Variants in KCNG3 observed in about 807,000 individuals in gnomAD.
KCNG3 encodes the protein voltage-gated potassium channel regulatory subunit KCNG3.
A neutral mutation model predicts 29.0 loss-of-function variants in KCNG3; 15 were observed. That is an observed-to-expected ratio of 0.52 (90% CI 0.35 to 0.80). The LOEUF (loss-of-function observed/expected upper bound fraction) is 0.80. KCNG3 is among the 30% of genes least tolerant of loss of function. KCNG3 has a pLI of 0.01. For missense variants in KCNG3, 512 were observed against 605.7 expected, an observed-to-expected ratio of 0.85 and a Z score of 1.62; for synonymous variants, 322 against 248.9, an observed-to-expected ratio of 1.29 and a Z score of -2.76.
At chr2:42,400,173 G>C in the KCNG3 span, among the ~76,000 whole-genome samples, 1 of 152,062 alleles carries the variant, frequency 6.6e-6, no homozygotes, top group South Asian at 2.1e-4. Context: ...CTGTCCAATA[G>C]GTCCACTTCA....
At chr2:42,401,671 T>C in the KCNG3 span, among the ~76,000 whole-genome samples, 1 of 152,166 alleles carries the variant, frequency 6.6e-6, no homozygotes, top group Admixed American at 6.5e-5. Context: ...CTTGAAGTCC[T>C]GGGCTCAAAC....
At chr2:42,402,890 T>C in the KCNG3 span, among the ~76,000 whole-genome samples, 1 of 152,218 alleles carries the variant, frequency 6.6e-6, no homozygotes, top group African/African-American at 2.4e-5. Flanking sequence ...TATATGAATG[T>C]AAAAAATGTT....
At chr2:42,421,722 T>C in the KCNG3 span, among the ~76,000 whole-genome samples, 51 of 152,220 alleles carry the variant, frequency 3.4e-4, no homozygotes, top group African/African-American at 1.1e-3. Context: ...AATCTTAGAA[T>C]TGGGGAAAAA....
At chr2:42,451,792 T>A (rs1192286876) in intron 1 of KCNG3, among the ~76,000 whole-genome samples, 1 of 151,720 alleles carries the variant, frequency 6.6e-6, no homozygotes, top group Non-Finnish European at 1.5e-5. Context: ...CCTAGCTACT[T>A]GGGAAGCTGA....
intron 1 of KCNG3, among the ~76,000 whole-genome samples, chr2:42,482,184 A>C (rs1673603807): frequency 6.6e-6 from 1 of 152,226 alleles, no homozygotes; most frequent in Admixed American, 6.5e-5. Flanking sequence ...CAACACCTAA[A>C]ACAGTCCTAA....
At position 42,493,783 on chromosome 2, in the gene KCNG3, G is replaced by A. The variant is rs1375364712; in HGVS notation, c.-282C>T. 2 of 288,206 alleles carry A rather than the reference G, an allele frequency of 6.9e-6. No individual in the cohort carries two copies. Among genetic ancestry groups the A allele is most frequent in the East Asian group, 5.8e-5 (1 of 17,262 alleles). 17.9% of individuals were successfully genotyped at this position (288,206 alleles called of 1,614,324 possible). ...CCCCACCGGCTGGGAACGCGGCTGT[G>A]TCCGCGCCGCCGACCCTCGCGCCCG... On this transcript the variant is annotated 5_prime_UTR_variant, in exon 1 of 2. Coordinates refer to ENST00000306078, the MANE Select transcript of KCNG3 (RefSeq NM_133329.6).
Position 42,444,941 on chromosome 2 carries a change from C to T in KCNG3, c.666-362G>A, listed in dbSNP as rs958142995. On this transcript the variant is annotated intron_variant, in intron 1 of 1. Coordinates refer to ENST00000306078, the MANE Select transcript of KCNG3 (RefSeq NM_133329.6). This position sits in a 1 kb window ranked among gnomAD's most constrained non-coding sequence, Gnocchi z 5.8. ...ATCAGCTGGGCTTGGTGACACACAC[C>T]TGTAGTACCACCTACCTGGGAGGCT... Among the ~76,000 whole-genome samples, 2 of 151,800 alleles carry T rather than the reference C, an allele frequency of 1.3e-5. No individual in the cohort carries two copies. Among genetic ancestry groups the T allele is most frequent in the African/African-American group, 4.8e-5 (2 of 41,310 alleles).
Position 42,443,838 on chromosome 2 carries a change from A to G in KCNG3, c.*96T>C, listed in dbSNP as rs376816642. On this transcript the variant is annotated 3_prime_UTR_variant, in exon 2 of 2. Transcript: ENST00000306078. The stretch of plus-strand genomic sequence containing the variant: ...TTTTTACCCTACCAAGATGATGACA[A>G]TGCCACTGCAGTGCTCACCCAGCAA... 5.8e-5 allele frequency: 67 copies of G among 1,156,624 alleles called. No individual in the cohort carries two copies. In the African/African-American group the frequency reaches 8.8e-4, roughly 15 times the overall value. 71.6% of individuals were successfully genotyped at this position (1,156,624 alleles called of 1,614,324 possible).
In KCNG3 at chr2:42,470,973, G is replaced by A. The variant is rs187288437; in HGVS notation, c.665+21864C>T. Among the ~76,000 whole-genome samples the A allele has an allele frequency of 5.6e-4, 86 of 152,226 alleles. 1 individual carries two copies. The highest frequency in any genetic ancestry group is 4.1e-3 in the Admixed American group (63 of 15,276). On this transcript the variant is annotated intron_variant, in intron 1 of 1. Coordinates refer to ENST00000306078, the MANE Select transcript of KCNG3 (RefSeq NM_133329.6). ...TCGAGACCAGCCTGGGCAACACAGT[G>A]AGATCCTAACTCTACAAAAAATGTT... is the stretch of plus-strand genomic sequence containing the variant.
chr2:42,449,435 T>C (rs1344944299), intron 1 of KCNG3, among the ~76,000 whole-genome samples: 1 of 148,330 alleles, frequency 6.7e-6, no homozygotes, highest in East Asian at 2.0e-4. Flanking sequence ...ACAGAAACCA[T>C]ATAGCTCTGC....
chr2:42,417,213 G>A, the KCNG3 span, among the ~76,000 whole-genome samples: 14 of 152,062 alleles, frequency 9.2e-5, no homozygotes, highest in South Asian at 1.0e-3. Flanking sequence ...ACTGCTCTCC[G>A]GCCTGGGCAA....
chr2:42,445,888 G>C (rs1361762776), intron 1 of KCNG3, among the ~76,000 whole-genome samples: 1 of 151,910 alleles, frequency 6.6e-6, no homozygotes, highest in South Asian at 2.1e-4. Flanking sequence ...CACCATGCGT[G>C]ACTAATTTTT....
At chr2:42,439,442 T>C (rs1672429174), downstream of KCNG3, among the ~76,000 whole-genome samples, 2 of 151,844 alleles carry the variant, frequency 1.3e-5, no homozygotes, top group South Asian at 2.1e-4. Flanking sequence ...TTTGTATTTT[T>C]AGTAGAGACA....
chr2:42,459,394 C>G (rs906031870), intron 1 of KCNG3, among the ~76,000 whole-genome samples: 6 of 152,154 alleles, frequency 3.9e-5, no homozygotes, highest in Non-Finnish European at 8.8e-5. Flanking sequence ...CTTTCTCACC[C>G]TCCCTGCCTG....
At chr2:42,389,389 CT>C in the KCNG3 span, among the ~76,000 whole-genome samples, 1 of 152,172 alleles carries the variant, frequency 6.6e-6, no homozygotes, top group Non-Finnish European at 1.5e-5. Context: ...TTCTTACCAA[CT>C]TTACTCAGAG....
chr2:42,426,586 C>T, the KCNG3 span, among the ~76,000 whole-genome samples: 5 of 152,218 alleles, frequency 3.3e-5, no homozygotes, highest in African/African-American at 9.6e-5. Context: ...AAAACCAATA[C>T]ATAATTTTAT....
chr2:42,473,020 G>C (rs1405489229), intron 1 of KCNG3, among the ~76,000 whole-genome samples: 4 of 150,294 alleles, frequency 2.7e-5, no homozygotes, highest in Non-Finnish European at 4.4e-5. Context: ...TCCTGCCTCA[G>C]CCTCCCAAGT....
chr2:42,469,519 A>G (rs1673233483), intron 1 of KCNG3, among the ~76,000 whole-genome samples: 2 of 152,102 alleles, frequency 1.3e-5, no homozygotes, highest in African/African-American at 2.4e-5. Context: ...AGTGAAGTAC[A>G]TACTGGACTA....
chr2:42,389,583 T>G, the KCNG3 span, among the ~76,000 whole-genome samples: 1 of 152,248 alleles, frequency 6.6e-6, no homozygotes, highest in Admixed American at 6.5e-5. Context: ...GGAATATATT[T>G]GTATCTACAG....
Sources: gnomAD v4.1 joint callset for allele counts (sites outside exome capture counted in the v4.1 genomes callset) on GRCh38, gnomAD v4.1.1 for gene constraint, Gnocchi (gnomAD v3.1) non-coding constraint, MANE v1.5 for transcripts, NCBI Gene and HGNC (gene_info 2026-07-23, HGNC 2026-07-21) for gene names.